AAMDC: variants seen among roughly 807,000 people sequenced by gnomAD.
AAMDC encodes the protein adipogenesis associated Mth938 domain containing.
A neutral mutation model predicts 15.5 loss-of-function variants in AAMDC; 16 were observed. The ratio of observed to expected loss-of-function variants is 1.03; its 90% CI spans 0.70 to 1.57. The LOEUF (loss-of-function observed/expected upper bound fraction) is 1.57, where lower values mean the gene tolerates loss of function less well. Ranked by LOEUF, AAMDC falls within the 40% of genes most tolerant of loss-of-function variation. The pLI is 0.00. For synonymous variants in AAMDC, 51 were observed against 51.6 expected (o/e 0.99, Z 0.05); for missense variants, 141 against 144.9 (o/e 0.97, Z 0.14).
intron 1 of AAMDC, among the ~76,000 whole-genome samples, chr11:77,842,266 A>G (rs1039852034): frequency 3.3e-5 from 5 of 152,178 alleles, no homozygotes; most frequent in Non-Finnish European, 7.3e-5. Flanking sequence ...CTGGAGCCTG[A>G]TAAGTAATTG....
chr11:77,842,343 AAAG>A lies in AAMDC; in HGVS notation c.-18-129_-18-127del, dbSNP rs1306571053. On this transcript the variant is annotated intron_variant, in intron 1 of 3. Coordinates refer to ENST00000393427, the MANE Select transcript of AAMDC (RefSeq NM_024684.4). ...AATAATAGTTACTTTTTAGACCTCT[AAAG>A]AAGAAGTAACAACCACGTAAATGAA... 7 of 824,248 alleles carry A rather than the reference AAAG, an allele frequency of 8.5e-6. No individual in the cohort carries two copies. The African/African-American group carries it at 8.7e-5, about 10-fold the overall frequency. The allele number at this position is 824,248 out of a possible 1,614,324, so 51.1% of individuals were successfully genotyped here.
chr11:77,888,811 A>G (rs1952132456), intron 5 of AAMDC, among the ~76,000 whole-genome samples: 1 of 152,194 alleles, frequency 6.6e-6, no homozygotes, highest in South Asian at 2.1e-4. Context: ...GCAGCCAAAA[A>G]ACATATGAAA....
At chr11:77,858,112 G>A (rs1372279107) in intron 2 of AAMDC, among the ~76,000 whole-genome samples, 1 of 151,836 alleles carries the variant, frequency 6.6e-6, no homozygotes, top group Non-Finnish European at 1.5e-5. Context: ...TGAAACTCCT[G>A]GACTCAAGCA....
At chr11:77,873,548 A>T (rs1951514875), downstream of AAMDC, among the ~76,000 whole-genome samples, 1 of 152,168 alleles carries the variant, frequency 6.6e-6, no homozygotes. Flanking sequence ...TTTTCTTATG[A>T]CCAGTTATTG....
Position 77,891,259 on chromosome 11 carries a change from AT to A in AAMDC, c.329-9310del, listed in dbSNP as rs1952249772. ...AAGTAGAGACTACAGGGGTGCTAAC[AT>A]TAAATACTTCAACACAATGTCAGTC... is the stretch of plus-strand genomic sequence containing the variant. On this transcript the variant is annotated intron_variant, in intron 5 of 5. Coordinates refer to the AAMDC transcript ENST00000304716. The A allele has an allele frequency of 3.2e-6, 5 of 1,547,580 alleles. No individual in the cohort carries two copies. In the Admixed American group the frequency reaches 9.0e-5, roughly 28 times the overall value.
intron 5 of AAMDC, among the ~76,000 whole-genome samples, chr11:77,899,309 G>A (rs1211549460): frequency 2.6e-5 from 4 of 151,454 alleles, no homozygotes; most frequent in Non-Finnish European, 4.4e-5. Flanking sequence ...CAAACCCCTG[G>A]AGGAAAAAAG....
intron 2 of AAMDC, among the ~76,000 whole-genome samples, chr11:77,844,041 A>G (rs1950040705): frequency 6.6e-6 from 1 of 152,152 alleles, no homozygotes; most frequent in Non-Finnish European, 1.5e-5. Context: ...TCCTCTCACA[A>G]TATGCAGGAA....
rs1490637109 is a variant in AAMDC, at chr11:77,842,544, A to G, written c.48A>G (p.Val16=). 1.2e-6 allele frequency: 2 copies of G among 1,614,060 alleles called. No individual in the cohort carries two copies. Among genetic ancestry groups the G allele is most frequent in the East Asian group, 4.5e-5 (2 of 44,866 alleles). The change falls in exon 2 of 4, where the codon GTA becomes GTG. Residue 16 remains valine (V), a synonymous_variant. Coordinates refer to ENST00000393427, the MANE Select transcript of AAMDC (RefSeq NM_024684.4). ...IASLSWGQMK[V]KGSNTTYKDC... ...CCTTATCATGGGGGCAAATGAAAGT[A>G]AAAGGCTCTAATACAACCTATAAGG...
chr11:77,854,152 A>C (rs1008265330), intron 2 of AAMDC, among the ~76,000 whole-genome samples: 4 of 151,678 alleles, frequency 2.6e-5, no homozygotes, highest in Admixed American at 2.0e-4. Context: ...CACCACACCC[A>C]GCTAATTTTT....
At chr11:77,894,044 T>G (rs1952400340) in intron 5 of AAMDC, among the ~76,000 whole-genome samples, 1 of 152,174 alleles carries the variant, frequency 6.6e-6, no homozygotes, top group Non-Finnish European at 1.5e-5. Flanking sequence ...GAGTGCTAAA[T>G]GCAAGTGATT....
At chr11:77,904,521 G>C (rs539952718), downstream of AAMDC, among the ~76,000 whole-genome samples, 150 of 152,308 alleles carry the variant, frequency 9.8e-4, 1 homozygote, top group African/African-American at 3.4e-3. Flanking sequence ...AATCCAGTGT[G>C]TATTTTGCAC....
chr11:77,849,378 C>T (rs921302799), intron 2 of AAMDC, among the ~76,000 whole-genome samples: 8 of 152,020 alleles, frequency 5.3e-5, no homozygotes, highest in South Asian at 2.1e-4. Flanking sequence ...TGTGTGACCA[C>T]GCCCGGCTAA....
chr11:77,834,495 A>G (rs1949595468), intron 1 of AAMDC, among the ~76,000 whole-genome samples: 1 of 144,048 alleles, frequency 6.9e-6, no homozygotes, highest in Admixed American at 7.2e-5. Context: ...GCTCACTGCA[A>G]CCTCCTCCTC....
intron 5 of AAMDC, among the ~76,000 whole-genome samples, chr11:77,895,519 C>A (rs55808849): frequency 1.3e-5 from 1 of 74,118 alleles, no homozygotes; most frequent in African/African-American, 5.5e-5. Flanking sequence ...CATTCTAATT[C>A]TTTTCCTGAA....
chr11:77,850,781 CACAT>C (rs957631427), intron 2 of AAMDC: 1 of 47,366 alleles, frequency 2.1e-5, no homozygotes, highest in Non-Finnish European at 3.9e-5. Context: ...CACATACACA[CACAT>C]ACACACACAC....
At chr11:77,895,012 T>C (rs1189283917) in intron 5 of AAMDC, among the ~76,000 whole-genome samples, 1 of 152,226 alleles carries the variant, frequency 6.6e-6, no homozygotes, top group Admixed American at 6.5e-5. Flanking sequence ...TAAATTCCTG[T>C]GCAAGAGGGG....
At chr11:77,829,004 G>C (rs1028933961) in intron 1 of AAMDC, among the ~76,000 whole-genome samples, 4 of 152,202 alleles carry the variant, frequency 2.6e-5, no homozygotes, top group African/African-American at 9.6e-5. Context: ...TCAAGATTGT[G>C]TGTAGTAATG....
chr11:77,901,419 AC>A (rs762490203), downstream of AAMDC: 1 of 1,613,772 alleles, frequency 6.2e-7, no homozygotes, highest in African/African-American at 1.3e-5. Flanking sequence ...CCCACATCTT[AC>A]CCTCGTGTAG....
chr11:77,829,592 A>G (rs1949328338), intron 1 of AAMDC: 1 of 152,234 alleles, frequency 6.6e-6, no homozygotes, highest in African/African-American at 2.4e-5. Context: ...AATTCATTCC[A>G]TATAAATAAT....
Sources: allele counts gnomAD v4.1 joint callset (sites outside exome capture counted in the v4.1 genomes callset), GRCh38; gene constraint gnomAD v4.1.1; transcripts MANE v1.5; gene names NCBI Gene and HGNC (gene_info 2026-07-23, HGNC 2026-07-21).